Variants in NKAIN3 observed in about 807,000 individuals in gnomAD.
The protein encoded by NKAIN3 is sodium/potassium transporting ATPase interacting 3, also known as sodium/potassium-transporting ATPase subunit beta-1-interacting protein 3.
NKAIN3 carries 25 observed loss-of-function variants against 30.2 expected under a neutral mutation model. That is an observed-to-expected ratio of 0.83 (90% CI 0.60 to 1.16). The LOEUF (loss-of-function observed/expected upper bound fraction) is 1.16, where lower values mean the gene tolerates loss of function less well. Ranked by LOEUF, NKAIN3 falls within the 50% of genes most tolerant of loss-of-function variation. NKAIN3 has a pLI of 0.00. For synonymous variants in NKAIN3, 91 were observed against 89.6 expected, an observed-to-expected ratio of 1.02 and a Z score of -0.09; for missense variants, 225 against 254.1, an observed-to-expected ratio of 0.89 and a Z score of 0.78.
intron 3 of NKAIN3, among the ~76,000 whole-genome samples, chr8:62,741,368 A>AC (rs1586150371): frequency 1.2e-5 from 1 of 81,164 alleles, no homozygotes; most frequent in Non-Finnish European, 2.4e-5. Flanking sequence ...AGAAAGAAGG[A>AC]AGGAAGGAAG....
intron 1 of NKAIN3, among the ~76,000 whole-genome samples, chr8:62,319,475 A>G (rs1440432629): frequency 6.6e-6 from 1 of 152,100 alleles, no homozygotes; most frequent in African/African-American, 2.4e-5. Context: ...ATTTAGTGCT[A>G]TAAATTTCCC....
intron 1 of NKAIN3, among the ~76,000 whole-genome samples, chr8:62,285,549 C>T (rs1813353928): frequency 6.6e-6 from 1 of 152,104 alleles, no homozygotes; most frequent in Non-Finnish European, 1.5e-5. Flanking sequence ...TCTGATCTCT[C>T]CTCTTCTGCT....
At chr8:62,833,701 A>C (rs1388776796) in intron 4 of NKAIN3, among the ~76,000 whole-genome samples, 1 of 150,236 alleles carries the variant, frequency 6.7e-6, no homozygotes, top group Non-Finnish European at 1.5e-5. Flanking sequence ...CTACCAACAA[A>C]AAAAAAAGCC....
At chr8:62,622,679 T>A (rs1377917778) in intron 3 of NKAIN3, among the ~76,000 whole-genome samples, 2 of 152,174 alleles carry the variant, frequency 1.3e-5, no homozygotes, top group South Asian at 4.1e-4. Flanking sequence ...ACTAGTCTTT[T>A]GTCAGAGATA....
At chr8:62,704,560 GC>G (rs773169256) in intron 3 of NKAIN3, among the ~76,000 whole-genome samples, 14 of 152,110 alleles carry the variant, frequency 9.2e-5, no homozygotes, top group Non-Finnish European at 1.8e-4. Context: ...GATAAGAATT[GC>G]TCAAAAGCTC....
At chr8:62,549,274 G>A (rs1271048124) in intron 1 of NKAIN3, among the ~76,000 whole-genome samples, 1 of 152,116 alleles carries the variant, frequency 6.6e-6, no homozygotes, top group East Asian at 1.9e-4. Flanking sequence ...ATTAAACGAA[G>A]TATAGCAAAA....
intron 3 of NKAIN3, among the ~76,000 whole-genome samples, chr8:62,631,211 A>G (rs1401710096): frequency 6.6e-6 from 1 of 152,152 alleles, no homozygotes; most frequent in Admixed American, 6.6e-5. Context: ...CCACATCTCC[A>G]GAGAGACATT....
rs71527104 is a variant in NKAIN3 at position 62,832,661 on chromosome 8, C to T, written c.471+85532C>T. On this transcript the variant is annotated intron_variant, in intron 4 of 6. Transcript: ENST00000623646. Reference sequence around the variant, plus strand: ...GACTTAACTATCCTAAATATATATGCACCCAATATTGGAGCACCCAGATAC... The same window carrying T: ...GACTTAACTATCCTAAATATATATGTACCCAATATTGGAGCACCCAGATAC... Among the ~76,000 whole-genome samples, 884 of 152,070 alleles carry T rather than the reference C, an allele frequency of 5.8e-3. 5 individuals carry two copies. The highest frequency in any genetic ancestry group is 0.017 in the Middle Eastern group (5 of 294).
intron 3 of NKAIN3, among the ~76,000 whole-genome samples, chr8:62,710,964 T>A (rs548766455): frequency 1.3e-5 from 2 of 152,346 alleles, no homozygotes; most frequent in East Asian, 3.9e-4. Context: ...TTTGTTTGTT[T>A]GAAAAGACTG....
chr8:62,381,337 C>G (rs898874592), intron 1 of NKAIN3, among the ~76,000 whole-genome samples: 4 of 152,098 alleles, frequency 2.6e-5, no homozygotes, highest in African/African-American at 9.7e-5. Flanking sequence ...CAATCAAATT[C>G]AAGCTAAAAT....
At chr8:62,308,929 C>G (rs960521489) in intron 1 of NKAIN3, among the ~76,000 whole-genome samples, 4 of 150,498 alleles carry the variant, frequency 2.7e-5, no homozygotes, top group African/African-American at 7.5e-5. Flanking sequence ...TCTTTTGCCT[C>G]TCTCTTGGAA....
chr8:62,397,617 C>T (rs189018455), intron 1 of NKAIN3, among the ~76,000 whole-genome samples: 1 of 152,238 alleles, frequency 6.6e-6, no homozygotes, highest in African/African-American at 2.4e-5. Flanking sequence ...CTAGATCACA[C>T]TCCCTACTCC....
At chr8:62,747,979 AG>A (rs1393526569) in intron 4 of NKAIN3, among the ~76,000 whole-genome samples, 3 of 152,158 alleles carry the variant, frequency 2.0e-5, no homozygotes, top group African/African-American at 7.2e-5. Context: ...TCAATGAAGA[AG>A]GTACCTTGGA....
rs1823815177 is a variant in NKAIN3, at chr8:62,970,733, C to CA, written c.*5327dup. On this transcript the variant is annotated 3_prime_UTR_variant, in exon 7 of 7. Transcript: ENST00000623646. ...GAAAGTCACCTAATTGGGATTTGAACAGTCAGTTTTTAACTCAGAATTTTG... is the reference window on the plus strand; with the variant it reads ...GAAAGTCACCTAATTGGGATTTGAACAAGTCAGTTTTTAACTCAGAATTTTG... 6.6e-6 allele frequency among the ~76,000 whole-genome samples: 1 copy of CA among 152,158 alleles called. No individual in the cohort carries two copies. Among genetic ancestry groups the CA allele is most frequent in the East Asian group, 1.9e-4 (1 of 5,198 alleles).
At chr8:62,898,193 T>A (rs1033655570) in intron 4 of NKAIN3, among the ~76,000 whole-genome samples, 1 of 150,280 alleles carries the variant, frequency 6.7e-6, no homozygotes, top group Non-Finnish European at 1.5e-5. Context: ...ATCTCAGAAC[T>A]CTTAGTTTGG....
intron 3 of NKAIN3, among the ~76,000 whole-genome samples, chr8:62,692,444 T>C (rs903822227): frequency 3.1e-4 from 47 of 152,142 alleles, no homozygotes; most frequent in African/African-American, 1.1e-3. Flanking sequence ...AGATTTTGTG[T>C]GTGCAGGCCT....
chr8:62,850,410 G>T lies in NKAIN3; in HGVS notation c.472-68043G>T, dbSNP rs1819856282. Among the ~76,000 whole-genome samples the T allele has an allele frequency of 1.3e-5, 2 of 152,010 alleles. 1 individual carries two copies. Among genetic ancestry groups the T allele is most frequent in the South Asian group, 4.1e-4 (2 of 4,822 alleles). On this transcript the variant is annotated intron_variant, in intron 4 of 6. Coordinates refer to ENST00000623646, the MANE Select transcript of NKAIN3 (RefSeq NM_001304533.3). ...TTTTCTCCCATTCTGTAGGCTGCCT[G>T]TTCACTCTGATGGTAGTTTCTTTTG... is the stretch of plus-strand genomic sequence containing the variant.
At chr8:62,800,699 G>A (rs1304050635) in intron 4 of NKAIN3, among the ~76,000 whole-genome samples, 2 of 152,208 alleles carry the variant, frequency 1.3e-5, no homozygotes, top group Non-Finnish European at 2.9e-5. Flanking sequence ...GCAGAAGACG[G>A]GTGATTTCTG....
At chr8:62,470,014 T>C (rs983756876) in intron 1 of NKAIN3, among the ~76,000 whole-genome samples, 2 of 152,210 alleles carry the variant, frequency 1.3e-5, no homozygotes, top group Non-Finnish European at 2.9e-5. Flanking sequence ...CCGCAGCCTC[T>C]TCTTTACTAA....
Sources: allele counts gnomAD v4.1 joint callset (sites outside exome capture counted in the v4.1 genomes callset), GRCh38; gene constraint gnomAD v4.1.1; transcripts MANE v1.5; gene names NCBI Gene and HGNC (gene_info 2026-07-23, HGNC 2026-07-21).